CES5A: variants seen among roughly 807,000 people sequenced by gnomAD.
CES5A encodes the protein carboxylesterase 5A.
Under a neutral mutation model 62.9 loss-of-function variants are expected in CES5A, and 67 were observed. The ratio of observed to expected loss-of-function variants is 1.07; its 90% CI spans 0.88 to 1.31. CES5A has a LOEUF of 1.31. Ranked by LOEUF, CES5A falls within the 50% of genes most tolerant of loss-of-function variation. CES5A has a pLI of 0.00. For missense variants in CES5A, 748 were observed against 708.5 expected (o/e 1.06, Z -0.63); for synonymous variants, 296 against 280.8 (o/e 1.05, Z -0.54).
intron 9 of CES5A, among the ~76,000 whole-genome samples, chr16:55,855,426 A>G (rs2033220284): frequency 6.6e-6 from 1 of 152,270 alleles, no homozygotes. Context: ...TTAGTGATGG[A>G]ACAATAAATG....
At chr16:55,930,032 G>A (rs1341660503), upstream of CES5A, among the ~76,000 whole-genome samples, 5 of 152,074 alleles carry the variant, frequency 3.3e-5, no homozygotes, top group Admixed American at 6.5e-5. Flanking sequence ...CTAGGTCTTC[G>A]TGGTTGATTG....
At chr16:55,937,991 A>G (rs1339453667) in intron 2 of CES5A, among the ~76,000 whole-genome samples, 15 of 152,170 alleles carry the variant, frequency 9.9e-5, no homozygotes, top group African/African-American at 2.7e-4. Context: ...AGAAATAGAT[A>G]CTTTTCCTTT....
upstream of CES5A, among the ~76,000 whole-genome samples, chr16:55,876,163 T>C (rs1251856192): frequency 5.3e-5 from 8 of 152,250 alleles, no homozygotes. Flanking sequence ...AGCTTCTTAC[T>C]TGTGCCCTGT....
chr16:55,900,527 G>A (rs1180451130), intron 1 of CES5A, among the ~76,000 whole-genome samples: 7 of 152,288 alleles, frequency 4.6e-5, no homozygotes. Context: ...GCTTGTGCAG[G>A]GACCTGAAAG....
chr16:55,858,764 C>T (rs562426203), intron 8 of CES5A, among the ~76,000 whole-genome samples: 42 of 152,188 alleles, frequency 2.8e-4, no homozygotes, highest in Non-Finnish European at 4.9e-4. Flanking sequence ...TTGAAGTCTC[C>T]ACTCCTCTGA....
intron 1 of CES5A, among the ~76,000 whole-genome samples, chr16:55,912,737 G>GC (rs1219929434): frequency 8.5e-5 from 13 of 152,156 alleles, no homozygotes; most frequent in African/African-American, 3.1e-4. Context: ...CTGCTGGAGT[G>GC]TGGGGTTAAG....
chr16:55,873,725 T>C, intron 2 of CES5A, 108 bp downstream of exon 2: 2 of 1,018,664 alleles, frequency 2.0e-6, no homozygotes, highest in South Asian at 1.6e-5. Context: ...TCTCTCTCCC[T>C]CCTCCCCCAT....
chr16:55,866,061 G>C lies in CES5A; in HGVS notation c.607C>G (p.Leu203Val), dbSNP rs767368876. Residue 203 changes from leucine to valine, a missense_variant, in exon 5 of 13, where the codon CTG becomes GTG. Physicochemically the swap from Leu to Val is conservative, Grantham distance 32. Transcript: ENST00000290567. ...TCGATGTTCTTCTGGACCCAGGACA[G>C]AGCAGCCACCTGGTCCTTGAAGGCC... ...NWAFKDQVAA[L>V]SWVQKNIEFF... is the part of the protein sequence containing the mutation. The C allele has an allele frequency of 3.7e-6, 6 of 1,614,018 alleles. No individual in the cohort carries two copies. Among genetic ancestry groups the C allele is most frequent in the Non-Finnish European group, 5.1e-6 (6 of 1,180,020 alleles).
chr16:55,857,905 G>A (rs1226031702), intron 8 of CES5A, among the ~76,000 whole-genome samples: 1 of 145,490 alleles, frequency 6.9e-6, no homozygotes, highest in Non-Finnish European at 1.6e-5. Flanking sequence ...ATATTTAAAG[G>A]GAGAGCCTAG....
At chr16:55,944,208 A>G in intron 2 of CES5A, 2 of 675,962 alleles carry the variant, frequency 3.0e-6, no homozygotes, top group Non-Finnish European at 5.4e-6. Context: ...AATAGCTGAC[A>G]GTACGACTCT....
chr16:55,930,831 C>T (rs2034303097), intron 2 of CES5A, among the ~76,000 whole-genome samples: 1 of 152,106 alleles, frequency 6.6e-6, no homozygotes, highest in Non-Finnish European at 1.5e-5. Context: ...AATACTGACA[C>T]ATAGACACAT....
intron 8 of CES5A, among the ~76,000 whole-genome samples, chr16:55,859,242 T>C (rs1364152718): frequency 6.6e-6 from 1 of 152,266 alleles, no homozygotes; most frequent in Admixed American, 6.5e-5. Context: ...CTGCATTTTT[T>C]GGAAACAATC....
Position 55,933,217 on chromosome 16 carries a change from A to G in CES5A, c.160+16568T>C, listed in dbSNP as rs185586862. Among the ~76,000 whole-genome samples, 549 of 152,346 alleles carry G rather than the reference A, an allele frequency of 3.6e-3. 11 individuals carry two copies. The highest frequency in any genetic ancestry group is 1.4e-3 in the Non-Finnish European group (92 of 68,026). ...AGTGTCATGTGTCACTTCTCTTCAC[A>G]GCTCATTGGCCAGAACCAGTCACAT... On this transcript the variant is annotated intron_variant, in intron 2 of 13. Coordinates refer to the CES5A transcript ENST00000521992.
chr16:55,853,005 G>T lies in CES5A; in HGVS notation c.1149C>A (p.His383Gln). 1 of 1,614,126 alleles carries T rather than the reference G, an allele frequency of 6.2e-7. No homozygotes were observed. Among genetic ancestry groups the T allele is most frequent in the Non-Finnish European group, 8.5e-7 (1 of 1,180,018 alleles). Residue 383 changes from histidine (H) to glutamine (Q), a missense_variant, in exon 10 of 13, where the codon CAC (histidine) becomes CAA (glutamine). Physicochemically the swap from His to Gln is conservative, Grantham distance 24. Transcript: ENST00000290567. ...NILHIPPQYL[H>Q]LVANEYFHDK... ...CATGGAAGTATTCATTAGCCACAAG[G>T]TGCAAATACTGAGGCGGGATGTGCT...
chr16:55,943,542 C>T (rs1438558026), intron 2 of CES5A, among the ~76,000 whole-genome samples: 2 of 152,304 alleles, frequency 1.3e-5, no homozygotes, highest in East Asian at 1.9e-4. Flanking sequence ...TTTTGCATAC[C>T]AAAATTCTGC....
chr16:55,909,720 T>C (rs1382309033), intron 1 of CES5A, among the ~76,000 whole-genome samples: 5 of 152,212 alleles, frequency 3.3e-5, no homozygotes, highest in African/African-American at 1.2e-4. Context: ...CTGAGGTCTG[T>C]GGCCCCACCT....
chr16:55,858,859 G>A (rs757542651), intron 8 of CES5A, among the ~76,000 whole-genome samples: 1 of 152,104 alleles, frequency 6.6e-6, no homozygotes, highest in Non-Finnish European at 1.5e-5. Flanking sequence ...CAGCACCTGG[G>A]CCTCAGCTCA....
chr16:55,862,273 T>C (rs2033367415), intron 6 of CES5A, among the ~76,000 whole-genome samples: 1 of 152,198 alleles, frequency 6.6e-6, no homozygotes, highest in Non-Finnish European at 1.5e-5. Flanking sequence ...CTGGGAGTCA[T>C]GGATACTCTG....
At chr16:55,954,958 T>C (rs555837565) in intron 1 of CES5A, among the ~76,000 whole-genome samples, 1 of 152,224 alleles carries the variant, frequency 6.6e-6, no homozygotes, top group South Asian at 2.1e-4. Context: ...GTTCCTTTTC[T>C]TCTCTGGACC....
Sources: gnomAD v4.1 joint callset for allele counts (sites outside exome capture counted in the v4.1 genomes callset) on GRCh38, gnomAD v4.1.1 for gene constraint, MANE v1.5 for transcripts, NCBI Gene and HGNC (gene_info 2026-07-23, HGNC 2026-07-21) for gene names.